Variants in TMEM45A observed in about 807,000 individuals in gnomAD.
The protein encoded by TMEM45A is DNA polymerase-transactivated protein 4.
TMEM45A carries 25 observed loss-of-function variants against 32.0 expected under a neutral mutation model. The ratio of observed to expected loss-of-function variants is 0.78; its 90% confidence interval spans 0.57 to 1.09. The LOEUF (loss-of-function observed/expected upper bound fraction) is 1.09. Ranked by LOEUF, TMEM45A falls within the 50% of genes least tolerant of loss-of-function variation. The pLI, the probability that TMEM45A is intolerant of heterozygous loss-of-function variation, is 0.00. For missense variants in TMEM45A, 302 were observed against 325.0 expected (o/e 0.93, Z 0.54); for synonymous variants, 122 against 114.8 (o/e 1.06, Z -0.40).
At chr3:100,571,737 T>A (rs1706564004) in intron 5 of TMEM45A, 1 of 152,094 alleles carries the variant, frequency 6.6e-6, no homozygotes, top group African/African-American at 2.4e-5. Flanking sequence ...CTCCTAATGC[T>A]ATCCCTCCCC....
At chr3:100,570,864 C>T (rs1706543146) in intron 5 of TMEM45A, 1 of 152,160 alleles carries the variant, frequency 6.6e-6, no homozygotes, top group Admixed American at 6.5e-5. Context: ...TCTTTGTGAC[C>T]ATGCAGTTCC....
chr3:100,510,097 C>T (rs540704249), intron 1 of TMEM45A, among the ~76,000 whole-genome samples: 4 of 152,354 alleles, frequency 2.6e-5, no homozygotes, highest in East Asian at 1.9e-4. Flanking sequence ...CTGAGAAGCT[C>T]GAACTGGGTG....
chr3:100,511,588 A>T lies in TMEM45A; in HGVS notation c.-4+18660A>T, dbSNP rs370039655. ...AACTAATGAGCAAAATAACCAGCTA[A>T]CATCATAATGACAGGATCAAATTCA... On this transcript the variant is annotated intron_variant, in intron 1 of 5. Coordinates refer to ENST00000323523, the MANE Select transcript of TMEM45A (RefSeq NM_018004.3). Among the ~76,000 whole-genome samples the T allele has an allele frequency of 1.1e-3, 172 of 152,252 alleles. 2 individuals are homozygous for T. In the East Asian group the frequency reaches 0.03, roughly 26 times the overall value.
intron 1 of TMEM45A, among the ~76,000 whole-genome samples, chr3:100,511,691 G>C (rs1470433664): frequency 6.6e-6 from 1 of 150,382 alleles, no homozygotes; most frequent in Non-Finnish European, 1.5e-5. Context: ...ATTGGATAAA[G>C]AGTCAAGACC....
At chr3:100,541,822 G>T (rs144989025) in intron 1 of TMEM45A, among the ~76,000 whole-genome samples, 1 of 152,272 alleles carries the variant, frequency 6.6e-6, no homozygotes, top group Non-Finnish European at 1.5e-5. Context: ...TGTAGTGAAA[G>T]CTAGGGGTCA....
At chr3:100,493,989 C>T (rs925289819) in intron 1 of TMEM45A, among the ~76,000 whole-genome samples, 2 of 152,144 alleles carry the variant, frequency 1.3e-5, no homozygotes, top group East Asian at 1.9e-4. Context: ...CCCTTGGCCT[C>T]GCAAAGTGCT....
chr3:100,535,203 G>GTC (rs1352079012), intron 1 of TMEM45A, among the ~76,000 whole-genome samples: 2 of 151,370 alleles, frequency 1.3e-5, no homozygotes, highest in Non-Finnish European at 2.9e-5. Flanking sequence ...TCACTACAAC[G>GTC]TCCGCTTCCC....
At chr3:100,526,500 C>T (rs1171041537) in intron 1 of TMEM45A, among the ~76,000 whole-genome samples, 1 of 146,724 alleles carries the variant, frequency 6.8e-6, no homozygotes, top group Non-Finnish European at 1.5e-5. Flanking sequence ...CCCAGCTCTG[C>T]CATTAAACTA....
chr3:100,557,546 G>A (rs1220530873), intron 3 of TMEM45A, among the ~76,000 whole-genome samples: 1 of 91,752 alleles, frequency 1.1e-5, no homozygotes, highest in East Asian at 4.8e-4. Flanking sequence ...AAGAAAACAA[G>A]CATTTAATGG....
intron 4 of TMEM45A, among the ~76,000 whole-genome samples, chr3:100,565,479 T>C (rs559864103): frequency 2.0e-5 from 3 of 152,314 alleles, no homozygotes; most frequent in African/African-American, 7.2e-5. Flanking sequence ...TTTTTTTTTC[T>C]TGTAACCTTT....
intron 1 of TMEM45A, among the ~76,000 whole-genome samples, chr3:100,507,789 C>A (rs939205465): frequency 6.6e-6 from 1 of 151,954 alleles, no homozygotes; most frequent in African/African-American, 2.4e-5. Flanking sequence ...TAATTTCTTT[C>A]AGATCAGTAT....
chr3:100,522,611 A>G lies in TMEM45A; in HGVS notation c.-4+29683A>G, dbSNP rs2148948848. On this transcript the variant is annotated intron_variant, in intron 1 of 5. Coordinates refer to ENST00000323523, the MANE Select transcript of TMEM45A (RefSeq NM_018004.3). ...AGTATACATGGACATGACATGATTT[A>G]TGTAGGTGGGAGGGCTCATTCCTAG... Among the ~76,000 whole-genome samples, 2 of 152,258 alleles carry G rather than the reference A, an allele frequency of 1.3e-5. 1 individual carries two copies. Among genetic ancestry groups the G allele is most frequent in the South Asian group, 4.2e-4 (2 of 4,808 alleles).
At chr3:100,562,262 G>A (rs1044375785) in intron 4 of TMEM45A, among the ~76,000 whole-genome samples, 5 of 151,762 alleles carry the variant, frequency 3.3e-5, no homozygotes, top group African/African-American at 9.7e-5. Context: ...AAATTAAGAC[G>A]ACAAATAAAA....
intron 1 of TMEM45A, among the ~76,000 whole-genome samples, chr3:100,545,410 AT>A (rs1407541768): frequency 1.3e-5 from 2 of 152,120 alleles, no homozygotes; most frequent in Non-Finnish European, 2.9e-5. Flanking sequence ...TTATATTGTC[AT>A]TTGTATCACT....
chr3:100,548,537 C>A (rs181554264), intron 1 of TMEM45A, among the ~76,000 whole-genome samples: 1 of 152,166 alleles, frequency 6.6e-6, no homozygotes, highest in African/African-American at 2.4e-5. Flanking sequence ...CTGGTCACTG[C>A]GGGCTCCTCC....
chr3:100,517,821 T>C (rs570206323), intron 1 of TMEM45A, among the ~76,000 whole-genome samples: 1 of 152,348 alleles, frequency 6.6e-6, no homozygotes, highest in African/African-American at 2.4e-5. Context: ...CTTCCTCTTC[T>C]TGAAAGGGCT....
Position 100,577,118 on chromosome 3 carries a change from A to G in TMEM45A, c.*100A>G. On this transcript the variant is annotated 3_prime_UTR_variant, in exon 6 of 6. Coordinates refer to ENST00000323523, the MANE Select transcript of TMEM45A (RefSeq NM_018004.3). ...TTGTTTGGAGAACAGCTGGCTAAGG[A>G]TGACTCTAAGTGTACTGTTTGCATT... The G allele has an allele frequency of 1.1e-6, 1 of 937,302 alleles. No individual in the cohort carries two copies. The highest frequency in any genetic ancestry group is 1.6e-6 in the Non-Finnish European group (1 of 610,888). 58.1% of individuals were successfully genotyped at this position (937,302 alleles called of 1,614,324 possible). A position where few individuals can be genotyped will look rare whatever the true frequency, so the allele number is the denominator to read the frequency against.
intron 1 of TMEM45A, among the ~76,000 whole-genome samples, chr3:100,524,952 G>A (rs1289520643): frequency 2.0e-5 from 3 of 152,166 alleles, no homozygotes; most frequent in Admixed American, 2.0e-4. Context: ...CACTTTGGGA[G>A]GCAGAAGCAG....
chr3:100,519,487 C>A, intron 1 of TMEM45A: 1 of 1,431,722 alleles, frequency 7.0e-7, no homozygotes, highest in Non-Finnish European at 9.6e-7. Context: ...ACCTAAGAAG[C>A]AAAGGCTCAA....
Sources: gnomAD v4.1 joint callset for allele counts (sites outside exome capture counted in the v4.1 genomes callset) on GRCh38, gnomAD v4.1.1 for gene constraint, MANE v1.5 for transcripts, NCBI Gene and HGNC (gene_info 2026-07-23, HGNC 2026-07-21) for gene names.